Variants in LRP5 observed in about 807,000 individuals in gnomAD.
The protein encoded by LRP5 is low-density lipoprotein receptor-related protein 5.
LRP5 carries 62 observed loss-of-function variants against 154.1 expected under a neutral mutation model. That is an observed-to-expected ratio of 0.40 (90% confidence interval 0.33 to 0.50). LRP5 has a LOEUF of 0.50. Ranked by LOEUF, LRP5 falls within the 20% of genes least tolerant of loss-of-function variation. The pLI is 0.55. For missense variants in LRP5, 1,915 were observed against 2,336.7 expected, an observed-to-expected ratio of 0.82 and a Z score of 3.72; for synonymous variants, 966 against 1,011.5, an observed-to-expected ratio of 0.96 and a Z score of 0.85.
Position 68,413,423 on chromosome 11 carries a change from A to G in LRP5, c.2504-266A>G, listed in dbSNP as rs923058671. On this transcript the variant is annotated intron_variant, in intron 11 of 22. Transcript: ENST00000294304. This position sits in a 1 kb window ranked among gnomAD's most constrained non-coding sequence, Gnocchi z 5.1. ...CACAGCCAGGCCTGACATGATGAGA[A>G]CAAGAACCTGGAGTCTCGCTGCCTG... Among the ~76,000 whole-genome samples, 10 of 152,130 alleles carry G rather than the reference A, an allele frequency of 6.6e-5. No individual in the cohort carries two copies. The highest frequency in any genetic ancestry group is 2.4e-4 in the African/African-American group (10 of 41,420).
At chr11:68,410,163 C>T (rs753991825) in intron 10 of LRP5, 23 bp downstream of exon 10, 6 of 1,594,802 alleles carry the variant, frequency 3.8e-6, no homozygotes, top group Admixed American at 1.7e-5. Flanking sequence ...CTGTCCCGTG[C>T]GTCCTTGTGT....
chr11:68,364,368 G>GTGTGTGTGTGTGTGTGTGTA (rs2098629780), intron 4 of LRP5, among the ~76,000 whole-genome samples: 1 of 151,348 alleles, frequency 6.6e-6, no homozygotes, highest in Admixed American at 6.6e-5. Flanking sequence ...ATGTGTGTGT[G>GTGTGTGTGTGTGTGTGTGTA]TGTGTGTGTG....
intron 7 of LRP5, among the ~76,000 whole-genome samples, chr11:68,391,576 G>A (rs2098646365): frequency 1.3e-5 from 2 of 152,222 alleles, no homozygotes; most frequent in South Asian, 4.1e-4. Context: ...GCTTCTGAGC[G>A]GGAGGAGTCT....
intron 13 of LRP5, among the ~76,000 whole-genome samples, chr11:68,416,813 G>A (rs567214780): frequency 6.6e-6 from 1 of 152,230 alleles, no homozygotes; most frequent in Non-Finnish European, 1.5e-5. Flanking sequence ...ATGGTCGTGT[G>A]TCATGCAGGG....
Position 68,411,539 on chromosome 11 carries a change from G to A in LRP5, c.2422G>A (p.Asp808Asn), listed in dbSNP as rs754571473. 2 of 1,613,832 alleles carry A rather than the reference G, an allele frequency of 1.2e-6. No homozygotes were observed. Among genetic ancestry groups the A allele is most frequent in the Non-Finnish European group, 1.7e-6 (2 of 1,180,038 alleles). The stretch of plus-strand genomic sequence containing the variant: ...GGTGGACAAGGTGGGCCGGGCCAAC[G>A]ACCTCACCATTGACTACGCTGACCA... ...TLVDKVGRAN[D>N]LTIDYADQRL... The change falls in exon 11 of 23, where the codon GAC becomes AAC. Residue 808 changes from aspartate to asparagine, a missense_variant. Asp to Asn is a conservative substitution (Grantham distance 23). Around this residue, in one of 3 missense-constraint regions of LRP5, gnomAD observed 1,094 missense variants for 1,210.1 expected, o/e 0.90. Transcript: ENST00000294304.
chr11:68,326,215 CT>C (rs1394136189), intron 1 of LRP5, among the ~76,000 whole-genome samples: 7 of 152,312 alleles, frequency 4.6e-5, no homozygotes, highest in Non-Finnish European at 7.4e-5. Context: ...TGCGCCTCCC[CT>C]GGGGGCCTCT....
chr11:68,433,077 C>T (rs3781583), intron 17 of LRP5, among the ~76,000 whole-genome samples: 12,952 of 152,252 alleles, frequency 0.085, 689 homozygotes, highest in Middle Eastern at 0.16. Flanking sequence ...GCTATGCGCA[C>T]GCTGGTCACC....
chr11:68,373,662 C>T (rs1357504368), intron 5 of LRP5, among the ~76,000 whole-genome samples: 1 of 152,232 alleles, frequency 6.6e-6, no homozygotes, highest in Non-Finnish European at 1.5e-5. Context: ...TCCGGCCTCC[C>T]CACCCCCTCC....
At chr11:68,411,743 C>T in intron 11 of LRP5, 123 bp downstream of exon 11, 1 of 1,055,092 alleles carries the variant, frequency 9.5e-7, no homozygotes, top group Non-Finnish European at 1.4e-6. Flanking sequence ...GAGCTGTGGC[C>T]ACACCCACGA....
intron 7 of LRP5, among the ~76,000 whole-genome samples, chr11:68,400,915 G>A (rs1025005341): frequency 2.0e-5 from 3 of 152,136 alleles, no homozygotes; most frequent in Non-Finnish European, 4.4e-5. Flanking sequence ...AATTTAAGAG[G>A]TAATAGTGAC....
chr11:68,429,737 C>T, intron 17 of LRP5, 37 bp downstream of exon 17: 16 of 1,613,478 alleles, frequency 9.9e-6, no homozygotes, highest in Non-Finnish European at 1.4e-5. Context: ...GGGTGATGGA[C>T]AGGTACCTGA....
intron 10 of LRP5, 38 bp downstream of exon 10, chr11:68,410,178 C>T (rs753084936): frequency 1.3e-6 from 2 of 1,561,062 alleles, no homozygotes; most frequent in Non-Finnish European, 8.8e-7. Flanking sequence ...TTGTGTTCAC[C>T]TCGTATGAGA....
intron 1 of LRP5, among the ~76,000 whole-genome samples, chr11:68,322,700 T>C (rs2098597388): frequency 6.6e-6 from 1 of 152,258 alleles, no homozygotes; most frequent in South Asian, 2.1e-4. Flanking sequence ...CAAGGCCTCA[T>C]CTGTCCAGGG....
At chr11:68,365,089 C>A (rs978992561) in intron 4 of LRP5, among the ~76,000 whole-genome samples, 8 of 152,138 alleles carry the variant, frequency 5.3e-5, no homozygotes, top group Non-Finnish European at 1.0e-4. Flanking sequence ...AGCACAAAGA[C>A]AAGACAAGCC....
rs1222356568 is a variant in LRP5, at chr11:68,390,015, A to G, written c.1547A>G (p.Lys516Arg). 1.2e-6 allele frequency: 2 copies of G among 1,614,194 alleles called. No individual in the cohort carries two copies. The highest frequency in any genetic ancestry group is 2.2e-5 in the East Asian group (1 of 44,892). ...NGLALDLQEG[K>R]LYWGDAKTDK... ...CTGGCCCTGGACCTGCAGGAGGGGA[A>G]GCTCTACTGGGGAGACGCCAAGACA... The change falls in exon 7 of 23, where the codon AAG becomes AGG. Residue 516 changes from lysine (K) to arginine (R), a missense_variant. By Grantham distance (26) the Lys-to-Arg change is conservative. Transcript: ENST00000294304.
At chr11:68,422,632 G>A (rs898700632) in intron 13 of LRP5, among the ~76,000 whole-genome samples, 7 of 152,136 alleles carry the variant, frequency 4.6e-5, no homozygotes, top group Non-Finnish European at 4.4e-5. Flanking sequence ...TCTCCTGGAC[G>A]GTGACCCCAG....
chr11:68,399,625 C>G (rs2098651524), intron 7 of LRP5, among the ~76,000 whole-genome samples: 1 of 152,214 alleles, frequency 6.6e-6, no homozygotes, highest in South Asian at 2.1e-4. Flanking sequence ...TCTGTTCCCT[C>G]CCAGGAGCCA....
intron 7 of LRP5, among the ~76,000 whole-genome samples, chr11:68,399,325 C>G (rs1312678948): frequency 6.6e-6 from 1 of 151,896 alleles, no homozygotes; most frequent in Non-Finnish European, 1.5e-5. Context: ...GAGCCAAGAT[C>G]GTGTCACTAC....
chr11:68,334,716 A>T (rs971844287), intron 1 of LRP5, among the ~76,000 whole-genome samples: 1 of 152,052 alleles, frequency 6.6e-6, no homozygotes. Flanking sequence ...CTCTACTAAA[A>T]ATACAGAAAT....
Sources: allele counts gnomAD v4.1 joint callset (sites outside exome capture counted in the v4.1 genomes callset), GRCh38; gene constraint gnomAD v4.1.1; regional missense constraint gnomAD v4.1.1; non-coding constraint Gnocchi (gnomAD v3.1); transcripts MANE v1.5; gene names NCBI Gene and HGNC (gene_info 2026-07-23, HGNC 2026-07-21).